Variants in MVB12A observed in about 807,000 individuals in gnomAD.
The protein encoded by MVB12A is multivesicular body subunit 12A.
Under a neutral mutation model 34.3 loss-of-function variants are expected in MVB12A, and 30 were observed. The observed-to-expected ratio is 0.88, with a 90% CI of 0.65 to 1.19. The LOEUF (loss-of-function observed/expected upper bound fraction) is 1.19. Ranked by LOEUF, MVB12A falls within the 50% of genes most tolerant of loss-of-function variation. The probability of loss-of-function intolerance (pLI) is 0.00; values close to 1 mark genes in which losing one functional copy is unlikely to be tolerated. For synonymous variants in MVB12A, 158 were observed against 158.9 expected, an observed-to-expected ratio of 0.99 and a Z score of 0.04; for missense variants, 355 against 369.2, an observed-to-expected ratio of 0.96 and a Z score of 0.31.
chr19:17,419,043 C>G (rs768298981), upstream of MVB12A: 14 of 152,098 alleles, frequency 9.2e-5, no homozygotes, highest in Non-Finnish European at 1.8e-4. Flanking sequence ...TTTAGATCAT[C>G]AATATATAAT....
chr19:17,407,834 T>C (rs959036178), intron 2 of MVB12A, among the ~76,000 whole-genome samples: 5 of 152,228 alleles, frequency 3.3e-5, no homozygotes, highest in Non-Finnish European at 7.3e-5. Flanking sequence ...TTTCCCGGTC[T>C]GCTAAGTAGT....
intron 6 of MVB12A, 40 bp from the exon 7 acceptor site, chr19:17,423,966 T>C: frequency 1.2e-6 from 2 of 1,608,954 alleles, no homozygotes; most frequent in Non-Finnish European, 8.5e-7. Flanking sequence ...GGTGGGCAGT[T>C]CCCTACACCT....
chr19:17,417,200 A>C (rs556491357), upstream of MVB12A: 16 of 153,520 alleles, frequency 1.0e-4, no homozygotes, highest in African/African-American at 4.0e-4. Context: ...GCTATTCCAC[A>C]TCTCACCCAG....
At chr19:17,423,417 TC>T (rs2074850335) in intron 4 of MVB12A, 80 bp from the exon 5 acceptor site, 7 of 1,468,924 alleles carry the variant, frequency 4.8e-6, no homozygotes, top group Admixed American at 2.2e-5. Context: ...CATGCCCGGG[TC>T]CCCCGCCTTC....
Position 17,421,721 on chromosome 19 carries a change from C to A in MVB12A, c.287-611C>A, listed in dbSNP as rs1290984826. 3.9e-5 allele frequency among the ~76,000 whole-genome samples: 6 copies of A among 152,004 alleles called. No individual in the cohort carries two copies. The East Asian group carries it at 9.8e-4, about 25-fold the overall frequency. The stretch of plus-strand genomic sequence containing the variant: ...CTTTGGGAGCCTGAGGCGGGCAGAT[C>A]ACCTGAGGTCAGGAGTTCCAGACCA... On this transcript the variant is annotated intron_variant, in intron 3 of 8. Coordinates refer to ENST00000317040, the MANE Select transcript of MVB12A (RefSeq NM_138401.4).
At chr19:17,421,182 T>TA (rs1491370021) in intron 3 of MVB12A, 1 of 180,212 alleles carries the variant, frequency 5.5e-6, no homozygotes, top group Non-Finnish European at 9.9e-6. Context: ...TTGGCAAACC[T>TA]TTTTTTTTTT....
intron 3 of MVB12A, 24 bp from the exon 4 acceptor site, chr19:17,422,308 C>A: frequency 6.3e-7 from 1 of 1,599,056 alleles, no homozygotes; most frequent in Middle Eastern, 1.7e-4. Flanking sequence ...TTCCCTCTCT[C>A]ACTCCCCTAC....
chr19:17,416,075 C>T (rs1191673951), upstream of MVB12A, among the ~76,000 whole-genome samples: 2 of 152,116 alleles, frequency 1.3e-5, no homozygotes, highest in Admixed American at 1.3e-4. Context: ...ACAGGCCTTG[C>T]CAAAAACTCA....
chr19:17,417,026 C>T, upstream of MVB12A: 1 of 374,982 alleles, frequency 2.7e-6, no homozygotes, highest in Non-Finnish European at 5.3e-6. Context: ...TCCTCCTCCT[C>T]TTCTTTCTTC....
At chr19:17,412,209 G>A (rs759676921) in intron 2 of MVB12A, among the ~76,000 whole-genome samples, 57 of 152,268 alleles carry the variant, frequency 3.7e-4, no homozygotes, top group South Asian at 6.2e-4. Context: ...TTCCATCATG[G>A]CGAACCAGCT....
intron 2 of MVB12A, among the ~76,000 whole-genome samples, chr19:17,411,955 C>G (rs979624585): frequency 2.0e-5 from 3 of 152,222 alleles, no homozygotes; most frequent in Non-Finnish European, 1.5e-5. Context: ...AAGTCGCTGG[C>G]CCCAGGGCGC....
In MVB12A at chr19:17,424,641, C is replaced by G. The variant is rs2074858794; in HGVS notation, c.723C>G (p.Asp241Glu). Residue 241 changes from aspartate to glutamate, a missense_variant, in exon 8 of 9, where the codon GAC becomes GAG. By Grantham distance (45) the Asp-to-Glu change is conservative (BLOSUM62 2). Coordinates refer to ENST00000317040, the MANE Select transcript of MVB12A (RefSeq NM_138401.4). ...CSPLAFSAFG[D>E]LTIKSLADIE... ...GCCAGGCCTTCTCTGCTTTTGGGGA[C>G]CTGACCATCAAGTCTCTGGCGGACA... 1.1e-5 allele frequency: 18 copies of G among 1,612,902 alleles called. No homozygotes were observed. Among genetic ancestry groups the G allele is most frequent in the Non-Finnish European group, 1.3e-5 (15 of 1,179,584 alleles).
chr19:17,408,700 G>A (rs562726728), intron 2 of MVB12A, among the ~76,000 whole-genome samples: 106 of 151,240 alleles, frequency 7.0e-4, no homozygotes, highest in African/African-American at 2.6e-3. Context: ...GTCTGACTCA[G>A]CCTCCCAAAG....
In MVB12A at chr19:17,423,719, C is replaced by T. The variant is rs140466494; in HGVS notation, c.560C>T (p.Ala187Val). The T allele has an allele frequency of 6.3e-5, 102 of 1,613,824 alleles. No individual in the cohort carries two copies. In the African/African-American group the frequency reaches 1.2e-3, roughly 20 times the overall value. Residue 187 changes from alanine (A) to valine (V), a missense_variant, in exon 6 of 9, where the codon GCG becomes GTG. Ala to Val is a moderately conservative substitution (Grantham distance 64, BLOSUM62 0). Transcript: ENST00000317040. ...PSKGGLLERT[A>V]SRLGSRASTL... ...AAGGGCGGCCTCCTGGAGCGGACAG[C>T]GTCAAGGCTGGGCTCTCGGGCATCC...
upstream of MVB12A, chr19:17,415,391 C>T (rs372154741): frequency 6.6e-6 from 1 of 152,038 alleles, no homozygotes; most frequent in Non-Finnish European, 1.5e-5. Flanking sequence ...AAACAATGTA[C>T]GAAGTTCCCA....
upstream of MVB12A, chr19:17,417,213 C>CTTTTTTTGTTTTTTTTTTTTT (rs2074805944): frequency 1.0e-5 from 1 of 96,548 alleles, no homozygotes; most frequent in African/African-American, 4.6e-5. Flanking sequence ...TCACCCAGAG[C>CTTTTTTTGTTTTTTTTTTTTT]TTTTTTTTTT....
At chr19:17,407,545 A>G (rs1294077880) in intron 2 of MVB12A, among the ~76,000 whole-genome samples, 1 of 152,172 alleles carries the variant, frequency 6.6e-6, no homozygotes, top group Non-Finnish European at 1.5e-5. Flanking sequence ...GCAGAGAGAG[A>G]GAGAGGGGAC....
chr19:17,422,417 G>T lies in MVB12A; in HGVS notation c.372G>T (p.Leu124=). Residue 124 remains leucine, a synonymous_variant, in exon 4 of 9, where the codon CTG becomes CTT. Coordinates refer to ENST00000317040, the MANE Select transcript of MVB12A (RefSeq NM_138401.4). ...ACACGGCTGTGTTTGATGTCCGGCT[G>T]AGTGGGAAGACCAAGACAGTGCCTG... ...ATDTAVFDVR[L]SGKTKTVPGY... 1 of 1,613,682 alleles carries T rather than the reference G, an allele frequency of 6.2e-7. No homozygotes were observed. The highest frequency in any genetic ancestry group is 8.5e-7 in the Non-Finnish European group (1 of 1,179,790).
In MVB12A at chr19:17,422,467, A is replaced by T. The variant is rs762557482; in HGVS notation, c.413+9A>T. ...GGATACCTTCGAATAGGGTAGGGCC[A>T]CCCCCCAGTGTCTAGCCACCTTCCC... On this transcript the variant is annotated intron_variant, in intron 4 of 8. Transcript: ENST00000317040. The T allele has an allele frequency of 1.4e-5, 23 of 1,597,786 alleles. No individual in the cohort carries two copies. Among genetic ancestry groups the T allele is most frequent in the Non-Finnish European group, 1.9e-5 (22 of 1,170,706 alleles).
Sources: gnomAD v4.1 joint callset for allele counts (sites outside exome capture counted in the v4.1 genomes callset) on GRCh38, gnomAD v4.1.1 for gene constraint, MANE v1.5 for transcripts, NCBI Gene and HGNC (gene_info 2026-07-23, HGNC 2026-07-21) for gene names.